Variants in DCLK2 observed in about 807,000 individuals in gnomAD.
DCLK2 encodes the protein doublecortin like kinase 2, also known as serine/threonine-protein kinase DCLK2.
In DCLK2, 31 loss-of-function variants were observed where a neutral mutation model predicts 78.4. The ratio of observed to expected loss-of-function variants is 0.40; its 90% CI spans 0.30 to 0.53. The LOEUF (loss-of-function observed/expected upper bound fraction) is 0.53, where lower values mean the gene tolerates loss of function less well. Ranked by LOEUF, DCLK2 falls within the 20% of genes least tolerant of loss-of-function variation. DCLK2 has a pLI of 0.61. For synonymous variants in DCLK2, 407 were observed against 374.9 expected (o/e 1.09, Z -0.99); for missense variants, 872 against 973.7 (o/e 0.90, Z 1.39).
intron 15 of DCLK2, among the ~76,000 whole-genome samples, chr4:150,249,913 G>A (rs1414495889): frequency 4.6e-5 from 7 of 152,140 alleles, no homozygotes; most frequent in South Asian, 2.1e-4. Context: ...GGGTCCAGGC[G>A]TCAAGGAGCT....
At chr4:150,236,988 C>T (rs1742558593) in intron 10 of DCLK2, among the ~76,000 whole-genome samples, 3 of 152,164 alleles carry the variant, frequency 2.0e-5, no homozygotes, top group Non-Finnish European at 4.4e-5. Flanking sequence ...ACAGCAACCT[C>T]TGAATACCCC....
intron 2 of DCLK2, among the ~76,000 whole-genome samples, chr4:150,183,267 A>AC (rs1374573359): frequency 6.6e-6 from 1 of 152,166 alleles, no homozygotes; most frequent in Non-Finnish European, 1.5e-5. Flanking sequence ...ATCTCAAGAG[A>AC]CCCTCATTTA....
At chr4:150,249,023 A>G (rs1743542392) in intron 14 of DCLK2, among the ~76,000 whole-genome samples, 1 of 152,002 alleles carries the variant, frequency 6.6e-6, no homozygotes. Context: ...TCCGGTTGGG[A>G]AGCTCCCTGT....
At chr4:150,104,727 T>G (rs1203366498) in intron 2 of DCLK2, among the ~76,000 whole-genome samples, 1 of 151,922 alleles carries the variant, frequency 6.6e-6, no homozygotes, top group Non-Finnish European at 1.5e-5. Flanking sequence ...TACTCTATAT[T>G]CAGTTAAATA....
intron 2 of DCLK2, among the ~76,000 whole-genome samples, chr4:150,106,811 G>T (rs971615194): frequency 3.3e-5 from 5 of 152,158 alleles, no homozygotes; most frequent in Non-Finnish European, 1.5e-5. Flanking sequence ...TTCAAAATGG[G>T]TGAACACATC....
rs75830885 is a variant in DCLK2, at chr4:150,096,356, T to A, written c.422-6122T>A. ...TGAAATTCGTTTTAGATATGTAGCA[T>A]GTGAGATATTCATAGATATCTAGAG... On this transcript the variant is annotated intron_variant, in intron 1 of 15. Transcript: ENST00000296550. 5.3e-3 allele frequency among the ~76,000 whole-genome samples: 815 copies of A among 152,342 alleles called. 5 individuals carry two copies. The highest frequency in any genetic ancestry group is 0.019 in the African/African-American group (772 of 41,578).
chr4:150,231,008 C>G (rs964539548), intron 8 of DCLK2, among the ~76,000 whole-genome samples: 1 of 152,238 alleles, frequency 6.6e-6, no homozygotes, highest in Admixed American at 6.5e-5. Context: ...GGTGCTACTG[C>G]ATGCTCTTAT....
At position 150,199,359 on chromosome 4, in the gene DCLK2, A is replaced by T. The variant is rs555234721; in HGVS notation, c.961+1256A>T. Among the ~76,000 whole-genome samples the T allele has an allele frequency of 5.3e-5, 8 of 152,316 alleles. No individual in the cohort carries two copies. The Middle Eastern group carries it at 0.01, about 194-fold the overall frequency. The stretch of plus-strand genomic sequence containing the variant: ...ACCGCAAGGGGTCCATCTTCTAGTT[A>T]ATTTGGAGCAATGTTCTGCTACTGA... On this transcript the variant is annotated intron_variant, in intron 4 of 15. Transcript: ENST00000296550.
rs140687177 is a variant in DCLK2 at position 150,083,229 on chromosome 4, T to C, written c.421+3781T>C. 5.3e-3 allele frequency among the ~76,000 whole-genome samples: 814 copies of C among 152,290 alleles called. 5 individuals carry two copies. The highest frequency in any genetic ancestry group is 0.019 in the African/African-American group (771 of 41,568). ...AATGGGGTGTATATCTCTGATGAAG[T>C]GCTTGCCAAGAGTCAAAGGCATTAA... On this transcript the variant is annotated intron_variant, in intron 1 of 15. Transcript: ENST00000296550.
At position 150,239,725 on chromosome 4, in the gene DCLK2, G is replaced by T; in HGVS notation, c.1567-17G>T. 6.2e-7 allele frequency: 1 copy of T among 1,610,202 alleles called. No individual in the cohort carries two copies. Among genetic ancestry groups the T allele is most frequent in the Non-Finnish European group, 8.5e-7 (1 of 1,178,986 alleles). On this transcript the variant is annotated splice_polypyrimidine_tract_variant and intron_variant, in intron 10 of 15. Coordinates refer to ENST00000296550, the MANE Select transcript of DCLK2 (RefSeq NM_001040260.4). ...GGAAAAAAAAATCTTCTGATTGTTGGCTGATTTCTGTTTCAGGTGTGTGAA... is the reference window on the plus strand; with the variant it reads ...GGAAAAAAAAATCTTCTGATTGTTGTCTGATTTCTGTTTCAGGTGTGTGAA...
At chr4:150,191,279 TA>T (rs1326776155) in intron 2 of DCLK2, among the ~76,000 whole-genome samples, 3 of 151,948 alleles carry the variant, frequency 2.0e-5, no homozygotes, top group Non-Finnish European at 4.4e-5. Flanking sequence ...CCATAAAAGG[TA>T]GCCACTGAGG....
intron 3 of DCLK2, among the ~76,000 whole-genome samples, chr4:150,194,619 T>G (rs1376554206): frequency 2.0e-5 from 3 of 152,184 alleles, no homozygotes; most frequent in Non-Finnish European, 4.4e-5. Context: ...TTATTTTAGC[T>G]GGTAGTAAAG....
chr4:150,253,672 T>C, intron 15 of DCLK2: 1 of 1,234,846 alleles, frequency 8.1e-7, no homozygotes, highest in Non-Finnish European at 1.0e-6. Context: ...CTGGTGTGGG[T>C]CTTTTGTACC....
Position 150,247,631 on chromosome 4 carries a change from G to A in DCLK2, c.1807G>A (p.Asp603Asn), listed in dbSNP as rs143883593. 5.6e-6 allele frequency: 9 copies of A among 1,613,820 alleles called. No individual in the cohort carries two copies. Among genetic ancestry groups the A allele is most frequent in the Non-Finnish European group, 5.9e-6 (7 of 1,179,980 alleles). ...GAACAATCTCCAGGAAGATCTCTTC[G>A]ACCAGATCTTGGCTGGGAAGCTGGA... is the stretch of plus-strand genomic sequence containing the variant. ...SENNLQEDLF[D>N]QILAGKLEFP... Residue 603 changes from aspartate to asparagine, a missense_variant, in exon 13 of 16, where the codon GAC (aspartate) becomes AAC (asparagine). Transcript: ENST00000296550.
chr4:150,168,199 T>C (rs946674941), intron 2 of DCLK2, among the ~76,000 whole-genome samples: 12 of 152,062 alleles, frequency 7.9e-5, no homozygotes, highest in African/African-American at 2.2e-4. Context: ...AAAAATTAGC[T>C]GGGCGTGGTG....
At chr4:150,147,527 G>T (rs1054234640) in intron 2 of DCLK2, among the ~76,000 whole-genome samples, 2 of 152,132 alleles carry the variant, frequency 1.3e-5, no homozygotes, top group African/African-American at 4.8e-5. Context: ...AAAATAAGTT[G>T]TACAGATATT....
At chr4:150,103,387 G>A (rs776238823) in intron 2 of DCLK2, among the ~76,000 whole-genome samples, 8 of 152,080 alleles carry the variant, frequency 5.3e-5, no homozygotes, top group Admixed American at 1.3e-4. Context: ...TAAAATTATG[G>A]CAACAATGTA....
intron 2 of DCLK2, among the ~76,000 whole-genome samples, chr4:150,125,701 C>T (rs1732874706): frequency 6.6e-6 from 1 of 151,996 alleles, no homozygotes; most frequent in South Asian, 2.1e-4. Flanking sequence ...ACCAGCCTGG[C>T]CAACGTGGTG....
At chr4:150,142,184 C>G (rs530779261) in intron 2 of DCLK2, among the ~76,000 whole-genome samples, 1 of 152,124 alleles carries the variant, frequency 6.6e-6, no homozygotes, top group Non-Finnish European at 1.5e-5. Context: ...TTTTATGAAT[C>G]TCTCATTCAT....
Sources: gnomAD v4.1 joint callset for allele counts (sites outside exome capture counted in the v4.1 genomes callset) on GRCh38, gnomAD v4.1.1 for gene constraint, MANE v1.5 for transcripts, NCBI Gene and HGNC (gene_info 2026-07-23, HGNC 2026-07-21) for gene names.